Variants in SRGAP2 observed in about 807,000 individuals in gnomAD.
SRGAP2 encodes SLIT-ROBO Rho GTPase activating protein 2, also known as SLIT-ROBO Rho GTPase-activating protein 2.
A neutral mutation model predicts 57.2 loss-of-function variants in SRGAP2; 15 were observed. The ratio of observed to expected loss-of-function variants is 0.26; its 90% CI spans 0.18 to 0.40. The LOEUF (loss-of-function observed/expected upper bound fraction) is 0.40. Among genes scored for constraint, SRGAP2 ranks in the 10% least tolerant of loss-of-function variants. The probability of loss-of-function intolerance (pLI) is 1.00; values close to 1 mark genes in which losing one functional copy is unlikely to be tolerated. For synonymous variants in SRGAP2, 249 were observed against 248.0 expected (o/e 1.00, Z -0.04); for missense variants, 520 against 669.6 (o/e 0.78, Z 2.47).
intron 7 of SRGAP2, among the ~76,000 whole-genome samples, chr1:206,395,846 C>G (rs1195800239): frequency 1.4e-5 from 2 of 146,258 alleles, no homozygotes; most frequent in African/African-American, 2.6e-5. Flanking sequence ...AAAAAAAAAA[C>G]GTCTGCTAAG....
At position 206,439,957 on chromosome 1, in the gene SRGAP2, A is replaced by G. The variant is rs929949164; in HGVS notation, c.1769-19A>G. On this transcript the variant is annotated intron_variant, in intron 16 of 22. Coordinates refer to ENST00000573034, the MANE Select transcript of SRGAP2 (RefSeq NM_015326.5). ...TCCCAGTCATAGTGGAGGATAACAC[A>G]TGGCTTTCTTCTTTTCAGCAATGGA... 2.6e-6 allele frequency: 2 copies of G among 780,174 alleles called. No individual in the cohort carries two copies. The highest frequency in any genetic ancestry group is 2.4e-6 in the Non-Finnish European group (1 of 417,682). 48.3% of individuals were successfully genotyped at this position (780,174 alleles called of 1,614,324 possible). A position where few individuals can be genotyped will look rare whatever the true frequency, so the allele number is the denominator to read the frequency against.
At chr1:206,375,189 AT>A (rs1318533908) in intron 4 of SRGAP2, among the ~76,000 whole-genome samples, 1 of 151,378 alleles carries the variant, frequency 6.6e-6, no homozygotes, top group African/African-American at 2.4e-5. Flanking sequence ...GTTCCAAGCC[AT>A]TGATTGTTTT....
At chr1:206,228,903 G>A (rs1391183735) in intron 2 of SRGAP2, among the ~76,000 whole-genome samples, 5 of 150,072 alleles carry the variant, frequency 3.3e-5, no homozygotes, top group Non-Finnish European at 7.4e-5. Flanking sequence ...TCTTGTTGGG[G>A]TGTGTTAGAA....
intron 15 of SRGAP2, 95 bp downstream of exon 15, chr1:206,437,137 G>A: frequency 1.3e-6 from 1 of 756,696 alleles, no homozygotes; most frequent in Non-Finnish European, 2.5e-6. Context: ...CCAGAGGTCA[G>A]GAAGCCAACT....
intron 15 of SRGAP2, among the ~76,000 whole-genome samples, chr1:206,437,405 G>A (rs910669941): frequency 3.9e-5 from 6 of 152,192 alleles, no homozygotes; most frequent in Admixed American, 1.3e-4. Flanking sequence ...TATTTTGTGG[G>A]CTATTAAGGT....
intron 12 of SRGAP2, among the ~76,000 whole-genome samples, chr1:206,420,920 A>C (rs1660247234): frequency 6.6e-6 from 1 of 152,230 alleles, no homozygotes. Flanking sequence ...TGTCTAGCCC[A>C]AAAATATTTT....
chr1:206,430,169 G>C lies in SRGAP2; in HGVS notation c.1502G>C (p.Ser501Thr). The C allele has an allele frequency of 2.6e-6, 2 of 780,772 alleles. No homozygotes were observed. The highest frequency in any genetic ancestry group is 4.8e-6 in the Non-Finnish European group (2 of 417,934). The allele number at this position is 780,772 out of a possible 1,614,324, so 48.4% of individuals were successfully genotyped here. A position where few individuals can be genotyped will look rare whatever the true frequency, so the allele number is the denominator to read the frequency against. The change falls in exon 14 of 23, where the codon AGC becomes ACC. Residue 501 changes from serine to threonine, a missense_variant. Ser to Thr is a moderately conservative substitution (Grantham distance 58). Around this residue, in one of 5 missense-constraint regions of SRGAP2, gnomAD observed 478 missense variants for 373.6 expected, o/e 1.28. Coordinates refer to ENST00000573034, the MANE Select transcript of SRGAP2 (RefSeq NM_015326.5). ...RSSTVRKQDS[S>T]QAIPLVVESC... Reference sequence around the variant, plus strand: ...TTCCCTTTGGCTTTTCAGGACTCCAGCCAGGCAATTCCTCTGGTGGTGGAA... The same window carrying C: ...TTCCCTTTGGCTTTTCAGGACTCCACCCAGGCAATTCCTCTGGTGGTGGAA...
chr1:206,376,098 G>A (rs1553344555), intron 4 of SRGAP2, among the ~76,000 whole-genome samples: 1 of 149,018 alleles, frequency 6.7e-6, no homozygotes, highest in Non-Finnish European at 1.5e-5. Context: ...GTACAGCCAA[G>A]AAGGATCTTT....
At chr1:206,428,970 A>G (rs1206370427) in intron 13 of SRGAP2, among the ~76,000 whole-genome samples, 2 of 152,184 alleles carry the variant, frequency 1.3e-5, no homozygotes, top group East Asian at 3.9e-4. Context: ...TTTAATGAGT[A>G]TAATAATAAT....
chr1:206,277,157 AT>A (rs1273268265), intron 2 of SRGAP2, among the ~76,000 whole-genome samples: 2 of 147,338 alleles, frequency 1.4e-5, no homozygotes, highest in Non-Finnish European at 3.0e-5. Context: ...TAGAGACGAG[AT>A]TTCTCCATGT....
chr1:206,385,993 T>C (rs1356425757), intron 5 of SRGAP2, among the ~76,000 whole-genome samples: 3 of 151,866 alleles, frequency 2.0e-5, no homozygotes, highest in Admixed American at 6.6e-5. Flanking sequence ...AAAAAAAGAG[T>C]AGAGGCACTA....
Position 206,461,607 on chromosome 1 carries a change from TGCCCTCTGCTTCCC to T in SRGAP2, c.*188_*201del. ...CTTGGTATCGCCTCTCCCTTCCCAC[TGCCCTCTGCTTCCC>T]CCAGTCGTCGTAATTCAGCCAGCTG... On this transcript the variant is annotated 3_prime_UTR_variant, in exon 23 of 23. Transcript: ENST00000573034. 1 of 582,416 alleles carries T rather than the reference TGCCCTCTGCTTCCC, an allele frequency of 1.7e-6. No homozygotes were observed. Among genetic ancestry groups the T allele is most frequent in the Non-Finnish European group, 3.1e-6 (1 of 327,764 alleles). The allele number at this position is 582,416 out of a possible 1,614,324, so 36.1% of individuals were successfully genotyped here.
intron 2 of SRGAP2, among the ~76,000 whole-genome samples, chr1:206,234,776 G>C (rs1553307885): frequency 6.6e-6 from 1 of 151,906 alleles, no homozygotes; most frequent in Non-Finnish European, 1.5e-5. Context: ...TTTTGCAGAG[G>C]TGACAGTCCA....
intron 2 of SRGAP2, among the ~76,000 whole-genome samples, chr1:206,290,614 C>G: frequency 7.3e-6 from 1 of 136,512 alleles, no homozygotes; most frequent in East Asian, 2.1e-4. Context: ...TGCACTCCAG[C>G]CTGGGCAACA....
intron 21 of SRGAP2, chr1:206,456,260 A>C (rs1553378394): frequency 6.6e-6 from 1 of 152,100 alleles, no homozygotes; most frequent in East Asian, 1.9e-4. Flanking sequence ...CCCTCAAGTT[A>C]GTAAAGTCGT....
chr1:206,401,328 G>A, intron 7 of SRGAP2, 93 bp from the exon 8 acceptor site: 1 of 713,210 alleles, frequency 1.4e-6, no homozygotes, highest in South Asian at 1.5e-5. Context: ...CAAGCCTATT[G>A]ATGTGGTCAG....
chr1:206,387,323 G>C (rs1183368561), intron 5 of SRGAP2, among the ~76,000 whole-genome samples: 19 of 149,610 alleles, frequency 1.3e-4, no homozygotes, highest in Non-Finnish European at 2.6e-4. Flanking sequence ...GGTTAAAAAG[G>C]GTTAATTGGT....
intron 3 of SRGAP2, among the ~76,000 whole-genome samples, chr1:206,339,660 T>C (rs1675033810): frequency 6.7e-6 from 1 of 149,504 alleles, no homozygotes; most frequent in African/African-American, 2.5e-5. Context: ...TTCCAGAGTA[T>C]CTCAGAACAC....
intron 4 of SRGAP2, among the ~76,000 whole-genome samples, chr1:206,370,220 C>T (rs1225387401): frequency 6.6e-6 from 1 of 152,052 alleles, no homozygotes; most frequent in African/African-American, 2.4e-5. Flanking sequence ...GAGCAGAGAT[C>T]GCACCACTGC....
Sources: allele counts gnomAD v4.1 joint callset (sites outside exome capture counted in the v4.1 genomes callset), GRCh38; gene constraint gnomAD v4.1.1; regional missense constraint gnomAD v4.1.1; transcripts MANE v1.5; gene names NCBI Gene and HGNC (gene_info 2026-07-23, HGNC 2026-07-21).